The following SEMA6D variants were observed in gnomAD, a reference collection of about 807,000 sequenced individuals.
SEMA6D encodes the protein semaphorin 6D.
SEMA6D carries 35 observed loss-of-function variants against 106.6 expected under a neutral mutation model. The ratio of observed to expected loss-of-function variants is 0.33; its 90% CI spans 0.25 to 0.44. SEMA6D has a LOEUF of 0.44. Ranked by LOEUF, SEMA6D falls within the 20% of genes least tolerant of loss-of-function variation. The probability of loss-of-function intolerance (pLI) is 1.00; values close to 1 mark genes in which losing one functional copy is unlikely to be tolerated. For synonymous variants in SEMA6D, 499 were observed against 487.7 expected, an observed-to-expected ratio of 1.02 and a Z score of -0.31; for missense variants, 1,185 against 1,345.9, an observed-to-expected ratio of 0.88 and a Z score of 1.87.
At chr15:47,306,585 C>G (rs1039082230) in intron 1 of SEMA6D, among the ~76,000 whole-genome samples, 2 of 152,044 alleles carry the variant, frequency 1.3e-5, no homozygotes, top group Non-Finnish European at 2.9e-5. Context: ...TGTGGTGGCA[C>G]ATGCCTGTAA....
At chr15:47,759,268 G>A (rs1240745553) in intron 1 of SEMA6D, among the ~76,000 whole-genome samples, 1 of 152,140 alleles carries the variant, frequency 6.6e-6, no homozygotes, top group Non-Finnish European at 1.5e-5. Context: ...CATAAGCAAA[G>A]AGCTAAGGAG....
At chr15:47,472,978 G>C (rs2042896894) in intron 3 of SEMA6D, among the ~76,000 whole-genome samples, 1 of 152,188 alleles carries the variant, frequency 6.6e-6, no homozygotes, top group Non-Finnish European at 1.5e-5. Flanking sequence ...TGTAGTACCT[G>C]CCATTTGAAA....
chr15:47,671,216 A>C (rs1304817856), intron 4 of SEMA6D, among the ~76,000 whole-genome samples: 2 of 152,220 alleles, frequency 1.3e-5, no homozygotes, highest in Non-Finnish European at 2.9e-5. Context: ...ATTTTTTAAA[A>C]TACGTACCAT....
chr15:47,325,016 A>G (rs2037070689), intron 1 of SEMA6D, among the ~76,000 whole-genome samples: 1 of 152,148 alleles, frequency 6.6e-6, no homozygotes, highest in Admixed American at 6.5e-5. Flanking sequence ...TTGCTATTGC[A>G]GACAATCCTT....
At chr15:47,724,701 C>T (rs1311060225) in intron 1 of SEMA6D, among the ~76,000 whole-genome samples, 1 of 152,148 alleles carries the variant, frequency 6.6e-6, no homozygotes, top group Non-Finnish European at 1.5e-5. Context: ...CTACAACAGA[C>T]TTGTAATTCA....
intron 3 of SEMA6D, among the ~76,000 whole-genome samples, chr15:47,551,008 A>G (rs763165562): frequency 1.3e-5 from 2 of 152,222 alleles, no homozygotes; most frequent in African/African-American, 4.8e-5. Flanking sequence ...GAACTATCAT[A>G]TATGAAAGGT....
At chr15:47,717,832 C>CTGTGTGTGTGTG (rs71118194) in intron 1 of SEMA6D, 140 bp downstream of exon 1, 4 of 99,274 alleles carry the variant, frequency 4.0e-5, no homozygotes, top group African/African-American at 1.5e-4. Flanking sequence ...TCCCGAATCG[C>CTGTGTGTGTGTG]TGTGTGTGTG....
At chr15:47,584,765 G>A (rs2076308952) in intron 3 of SEMA6D, among the ~76,000 whole-genome samples, 1 of 152,158 alleles carries the variant, frequency 6.6e-6, no homozygotes, top group African/African-American at 2.4e-5. Context: ...CCAGGGCAAA[G>A]CAGCCTTCTG....
At chr15:47,441,512 G>A (rs1430141727) in intron 2 of SEMA6D, among the ~76,000 whole-genome samples, 1 of 152,038 alleles carries the variant, frequency 6.6e-6, no homozygotes, top group African/African-American at 2.4e-5. Context: ...TTATACAATA[G>A]CTTGATGTAC....
intron 13 of SEMA6D, among the ~76,000 whole-genome samples, chr15:47,765,631 T>C (rs928863087): frequency 2.3e-4 from 35 of 152,202 alleles, no homozygotes; most frequent in African/African-American, 8.2e-4. Context: ...CAAATGCAAT[T>C]CACTTCTATC....
At chr15:47,419,055 A>T (rs979482070) in intron 2 of SEMA6D, among the ~76,000 whole-genome samples, 10 of 152,250 alleles carry the variant, frequency 6.6e-5, no homozygotes, top group Admixed American at 6.5e-4. Context: ...TGGAAAGGAG[A>T]GAAGAGGGAA....
chr15:47,447,721 G>A (rs1160502121), intron 2 of SEMA6D, among the ~76,000 whole-genome samples: 1 of 152,112 alleles, frequency 6.6e-6, no homozygotes, highest in Admixed American at 6.5e-5. Flanking sequence ...CCAAGGAGGG[G>A]GCAGTGGGAA....
intron 1 of SEMA6D, among the ~76,000 whole-genome samples, chr15:47,739,671 T>G (rs1009043706): frequency 1.3e-5 from 2 of 152,222 alleles, no homozygotes; most frequent in African/African-American, 4.8e-5. Context: ...TTTAGGTGTC[T>G]CTACTACTAG....
At chr15:47,763,793 G>C in intron 9 of SEMA6D, 57 bp from the exon 10 acceptor site, 1 of 1,456,132 alleles carries the variant, frequency 6.9e-7, no homozygotes, top group East Asian at 2.3e-5. Context: ...GTATCATTTT[G>C]TTTCCATTCC....
intron 4 of SEMA6D, among the ~76,000 whole-genome samples, chr15:47,637,094 A>C (rs1378006576): frequency 6.6e-6 from 1 of 152,196 alleles, no homozygotes; most frequent in Non-Finnish European, 1.5e-5. Flanking sequence ...GGCTCTGAGC[A>C]ACTCAGCTCT....
At chr15:47,587,027 AAG>A in intron 3 of SEMA6D, among the ~76,000 whole-genome samples, 1 of 151,936 alleles carries the variant, frequency 6.6e-6, no homozygotes, top group Middle Eastern at 3.4e-3. Flanking sequence ...GGTTTGAGGA[AAG>A]AGAGAGAAGA....
At chr15:47,272,186 A>G (rs930692343) in intron 1 of SEMA6D, among the ~76,000 whole-genome samples, 3 of 152,226 alleles carry the variant, frequency 2.0e-5, no homozygotes, top group South Asian at 2.1e-4. Context: ...CAGATACTGT[A>G]GAAAACTGGA....
intron 4 of SEMA6D, among the ~76,000 whole-genome samples, chr15:47,680,282 G>A (rs968429447): frequency 1.3e-5 from 2 of 151,882 alleles, no homozygotes; most frequent in Non-Finnish European, 2.9e-5. Flanking sequence ...GGCCCTCACC[G>A]AAATCCATCC....
intron 3 of SEMA6D, among the ~76,000 whole-genome samples, chr15:47,493,593 T>C (rs1345197448): frequency 6.6e-6 from 1 of 152,182 alleles, no homozygotes; most frequent in Non-Finnish European, 1.5e-5. Flanking sequence ...TACATATGTA[T>C]GTGAGCTCAC....
Sources: allele counts gnomAD v4.1 joint callset (sites outside exome capture counted in the v4.1 genomes callset), GRCh38; gene constraint gnomAD v4.1.1; transcripts MANE v1.5; gene names NCBI Gene and HGNC (gene_info 2026-07-23, HGNC 2026-07-21).